The following BICC1 variants were observed in gnomAD, a reference collection of about 807,000 sequenced individuals.
The protein encoded by BICC1 is BicC family RNA binding protein 1.
BICC1 carries 43 observed loss-of-function variants against 111.0 expected under a neutral mutation model. That is an observed-to-expected ratio of 0.39 (90% CI 0.30 to 0.50). The LOEUF (loss-of-function observed/expected upper bound fraction) is 0.50. Ranked by LOEUF, BICC1 falls within the 20% of genes least tolerant of loss-of-function variation. The pLI, the probability that BICC1 is intolerant of heterozygous loss-of-function variation, is 0.88. For synonymous variants in BICC1, 467 were observed against 434.4 expected (o/e 1.07, Z -0.93); for missense variants, 1,091 against 1,203.2 (o/e 0.91, Z 1.38).
chr10:58,538,066 A>G (rs914873099), intron 1 of BICC1, among the ~76,000 whole-genome samples: 26 of 151,988 alleles, frequency 1.7e-4, no homozygotes, highest in African/African-American at 6.0e-4. Flanking sequence ...TACAGATTCA[A>G]TGTAATTCCT....
intron 2 of BICC1, among the ~76,000 whole-genome samples, chr10:58,635,741 C>T (rs1036490384): frequency 2.1e-4 from 32 of 152,288 alleles, no homozygotes; most frequent in African/African-American, 7.7e-4. Flanking sequence ...CAACTCAAGC[C>T]TTTCTCTTGT....
At chr10:58,729,403 T>C (rs1424291499) in intron 3 of BICC1, among the ~76,000 whole-genome samples, 1 of 152,204 alleles carries the variant, frequency 6.6e-6, no homozygotes, top group Non-Finnish European at 1.5e-5. Flanking sequence ...TTCTTTAGCT[T>C]CCTTACCTCT....
chr10:58,745,143 C>T (rs1841792422), intron 3 of BICC1, among the ~76,000 whole-genome samples: 1 of 152,116 alleles, frequency 6.6e-6, no homozygotes, highest in East Asian at 1.9e-4. Flanking sequence ...CACAAAACTT[C>T]AACTTTTAAC....
chr10:58,671,354 C>T (rs943525752), intron 2 of BICC1, among the ~76,000 whole-genome samples: 6 of 152,158 alleles, frequency 3.9e-5, no homozygotes, highest in Non-Finnish European at 8.8e-5. Context: ...TCCACCTTTA[C>T]TGTTCCCATC....
chr10:58,796,426 T>C lies in BICC1; in HGVS notation c.1266T>C (p.Val422=), dbSNP rs375913510. ...KCLLGLESSG[V]TIATSPSPAS... ...TCCTCGGACTTGAAAGCAGTGGGGT[T>C]ACCATAGCAACCAGTCCATCCCCAG... The change falls in exon 10 of 21, where the codon GTT becomes GTC. Residue 422 remains valine (V), a synonymous_variant. Transcript: ENST00000373886. 2.2e-5 allele frequency: 36 copies of C among 1,613,984 alleles called. No homozygotes were observed. The highest frequency in any genetic ancestry group is 2.8e-5 in the Non-Finnish European group (33 of 1,180,012).
At chr10:58,676,737 C>A (rs1278744611) in intron 2 of BICC1, among the ~76,000 whole-genome samples, 1 of 152,198 alleles carries the variant, frequency 6.6e-6, no homozygotes, top group Non-Finnish European at 1.5e-5. Context: ...TCTGACCCCC[C>A]CGTGCCTCCT....
chr10:58,683,920 G>A (rs974370279), intron 2 of BICC1, among the ~76,000 whole-genome samples: 2 of 152,158 alleles, frequency 1.3e-5, no homozygotes, highest in African/African-American at 4.8e-5. Context: ...TGTTGAATAG[G>A]AGTGGTGAGA....
intron 1 of BICC1, among the ~76,000 whole-genome samples, chr10:58,517,826 T>G (rs1284253488): frequency 6.6e-6 from 1 of 152,204 alleles, no homozygotes; most frequent in Non-Finnish European, 1.5e-5. Context: ...GTCATCCCAG[T>G]GCTGGCAACA....
chr10:58,687,938 G>A (rs1001969464), intron 2 of BICC1, among the ~76,000 whole-genome samples: 2 of 152,124 alleles, frequency 1.3e-5, no homozygotes, highest in African/African-American at 2.4e-5. Context: ...TGTCGCTCAC[G>A]CTGGGAGCTG....
chr10:58,691,984 T>A (rs1839922758), intron 2 of BICC1, among the ~76,000 whole-genome samples: 1 of 152,214 alleles, frequency 6.6e-6, no homozygotes, highest in African/African-American at 2.4e-5. Context: ...GTTCTCTTCA[T>A]GTTATCTCCT....
In BICC1 at chr10:58,813,921, G is replaced by C; in HGVS notation, c.2468G>C (p.Gly823Ala). ...SDNWRDRNGI[G>A]PGSHSEFAAS... ...AACTGGAGAGACCGAAATGGAATTG[G>C]ACCTGGAAGTCATAGTGAATTTGCA... The change falls in exon 18 of 21, where the codon GGA becomes GCA. Residue 823 changes from glycine (G) to alanine (A), a missense_variant. Around this residue, in one of 3 missense-constraint regions of BICC1, gnomAD observed 231 missense variants for 256.2 expected, o/e 0.90. Transcript: ENST00000373886. 2.5e-6 allele frequency: 4 copies of C among 1,614,080 alleles called. No homozygotes were observed. The highest frequency in any genetic ancestry group is 3.4e-6 in the Non-Finnish European group (4 of 1,179,964).
chr10:58,612,101 A>C (rs1214574307), intron 1 of BICC1, among the ~76,000 whole-genome samples: 1 of 152,222 alleles, frequency 6.6e-6, no homozygotes, highest in Non-Finnish European at 1.5e-5. Flanking sequence ...CATTCAGATG[A>C]TACTTTTCAC....
chr10:58,680,575 A>G (rs548838921), intron 2 of BICC1, among the ~76,000 whole-genome samples: 1 of 152,226 alleles, frequency 6.6e-6, no homozygotes, highest in Non-Finnish European at 1.5e-5. Context: ...GGAAGAATCA[A>G]TATCATGAAA....
chr10:58,715,936 G>A (rs1486916417), intron 3 of BICC1: 14 of 1,357,202 alleles, frequency 1.0e-5, no homozygotes, highest in Non-Finnish European at 1.4e-5. Context: ...TAAGAAACAA[G>A]GAAAATGAAG....
At chr10:58,758,215 T>TTA (rs1401057837) in intron 3 of BICC1, among the ~76,000 whole-genome samples, 1 of 152,196 alleles carries the variant, frequency 6.6e-6, no homozygotes, top group African/African-American at 2.4e-5. Flanking sequence ...ATATAAACAC[T>TTA]TACAGAATAT....
chr10:58,754,298 G>A (rs1842076469), intron 3 of BICC1, among the ~76,000 whole-genome samples: 1 of 152,144 alleles, frequency 6.6e-6, no homozygotes. Context: ...AACTTTGAGA[G>A]GAAGCACTTA....
At chr10:58,603,839 A>G (rs574636396) in intron 1 of BICC1, among the ~76,000 whole-genome samples, 42 of 152,306 alleles carry the variant, frequency 2.8e-4, no homozygotes, top group African/African-American at 9.1e-4. Context: ...CATGAAGTCA[A>G]TAGAAAAGTG....
At chr10:58,828,633 T>A (rs1390887638) in intron 20 of BICC1, 128 bp from the exon 21 acceptor site, 1 of 945,614 alleles carries the variant, frequency 1.1e-6, no homozygotes, top group Non-Finnish European at 1.5e-6. Context: ...AAGTTTTCCT[T>A]TTGATACCAG....
intron 3 of BICC1, among the ~76,000 whole-genome samples, chr10:58,731,374 C>G (rs1841289560): frequency 6.6e-6 from 1 of 152,160 alleles, no homozygotes; most frequent in African/African-American, 2.4e-5. Flanking sequence ...TCATCTTCCC[C>G]CTCATCTTCC....
Sources: allele counts gnomAD v4.1 joint callset (sites outside exome capture counted in the v4.1 genomes callset), GRCh38; gene constraint gnomAD v4.1.1; regional missense constraint gnomAD v4.1.1; transcripts MANE v1.5; gene names NCBI Gene and HGNC (gene_info 2026-07-23, HGNC 2026-07-21).